The following SIDT1 variants were observed in gnomAD, a reference collection of about 807,000 sequenced individuals.
SIDT1 encodes the protein SID1 transmembrane family, member 1.
A neutral mutation model predicts 107.5 loss-of-function variants in SIDT1; 101 were observed. The ratio of observed to expected loss-of-function variants is 0.94; its 90% CI spans 0.80 to 1.11. The LOEUF (loss-of-function observed/expected upper bound fraction) is 1.11. SIDT1 is among the 50% of genes least tolerant of loss of function. SIDT1 has a pLI of 0.00. For synonymous variants in SIDT1, 395 were observed against 398.2 expected (o/e 0.99, Z 0.10); for missense variants, 1,076 against 1,058.2 (o/e 1.02, Z -0.23).
chr3:113,616,146 T>C lies in SIDT1; in HGVS notation c.2013T>C (p.Cys671=), dbSNP rs762022110. Residue 671 remains cysteine, a synonymous_variant, in exon 20 of 25, where the codon TGT becomes TGC. Transcript: ENST00000264852. ...CTGCCATGGTGTTCTACACAGACTG[T>C]ATCCAGCAGTGTAGCCGACCTCTAT... ...RRAAMVFYTD[C]IQQCSRPLYM... 6.2e-7 allele frequency: 1 copy of C among 1,613,904 alleles called. No individual in the cohort carries two copies. The highest frequency in any genetic ancestry group is 1.1e-5 in the South Asian group (1 of 91,086).
At chr3:113,540,619 T>A (rs1255951448) in intron 1 of SIDT1, among the ~76,000 whole-genome samples, 1 of 152,200 alleles carries the variant, frequency 6.6e-6, no homozygotes, top group African/African-American at 2.4e-5. Context: ...AGATATTGCA[T>A]CTTAATTTTG....
At chr3:113,533,472 T>C (rs1418638473) in intron 1 of SIDT1, among the ~76,000 whole-genome samples, 1 of 152,214 alleles carries the variant, frequency 6.6e-6, no homozygotes, top group South Asian at 2.1e-4. Flanking sequence ...AGGGCATTGC[T>C]GGGCTTTGCA....
chr3:113,554,072 A>G (rs975289085), intron 1 of SIDT1, among the ~76,000 whole-genome samples: 3 of 152,120 alleles, frequency 2.0e-5, no homozygotes, highest in Non-Finnish European at 4.4e-5. Flanking sequence ...AAGCAAACCA[A>G]TGCAAAAACT....
intron 17 of SIDT1, among the ~76,000 whole-genome samples, chr3:113,610,163 A>G (rs1945632642): frequency 1.3e-5 from 2 of 152,196 alleles, no homozygotes; most frequent in Non-Finnish European, 2.9e-5. Flanking sequence ...ACAGCATTTA[A>G]ATGTTGCCTG....
chr3:113,619,776 A>G (rs1946334878), intron 21 of SIDT1, 50 bp downstream of exon 21: 2 of 1,517,948 alleles, frequency 1.3e-6, no homozygotes, highest in Admixed American at 1.7e-5. Flanking sequence ...TGTCAGTAAC[A>G]CTGTGGTTTA....
At chr3:113,558,206 A>C (rs1941080907) in intron 1 of SIDT1, among the ~76,000 whole-genome samples, 1 of 152,236 alleles carries the variant, frequency 6.6e-6, no homozygotes, top group Non-Finnish European at 1.5e-5. Flanking sequence ...AACTGGGCAA[A>C]CACAAAGGCC....
intron 21 of SIDT1, among the ~76,000 whole-genome samples, chr3:113,620,894 A>G (rs976760421): frequency 7.2e-5 from 11 of 152,170 alleles, no homozygotes; most frequent in Non-Finnish European, 1.3e-4. Context: ...CGTCTCTCAC[A>G]TAAGCAAAAC....
downstream of SIDT1, among the ~76,000 whole-genome samples, chr3:113,630,760 G>A (rs993223081): frequency 5.3e-5 from 8 of 152,176 alleles, no homozygotes; most frequent in Admixed American, 1.3e-4. Context: ...ACGTGAGAAT[G>A]GCAAAGGTGG....
At chr3:113,611,343 G>C (rs939489918) in intron 18 of SIDT1, among the ~76,000 whole-genome samples, 199 bp downstream of exon 18, 1 of 152,116 alleles carries the variant, frequency 6.6e-6, no homozygotes, top group Non-Finnish European at 1.5e-5. Flanking sequence ...TAGTTATTTA[G>C]TTTTTTTGTT....
At chr3:113,574,553 T>C (rs1239756188) in intron 3 of SIDT1, among the ~76,000 whole-genome samples, 1 of 152,158 alleles carries the variant, frequency 6.6e-6, no homozygotes, top group African/African-American at 2.4e-5. Context: ...CCTGCCTCTC[T>C]TTCTATGTAG....
intron 1 of SIDT1, among the ~76,000 whole-genome samples, chr3:113,554,765 G>A (rs773519000): frequency 1.1e-4 from 16 of 152,188 alleles, no homozygotes; most frequent in South Asian, 2.1e-4. Flanking sequence ...AACCCCTTTC[G>A]CGACAGAAGA....
chr3:113,604,034 G>A lies in SIDT1; in HGVS notation c.1337+1G>A. On this transcript the variant is annotated splice_donor_variant, in intron 13 of 24. Transcript: ENST00000264852. LOFTEE classifies it high-confidence loss of function. ...GCAAAAAATATAAAATTTATTTTTG[G>A]TAAGTAGATGACCAGTAGGACCATG... 6.4e-7 allele frequency: 1 copy of A among 1,571,040 alleles called. No homozygotes were observed. Among genetic ancestry groups the A allele is most frequent in the Non-Finnish European group, 8.7e-7 (1 of 1,153,070 alleles).
intron 21 of SIDT1, among the ~76,000 whole-genome samples, chr3:113,621,807 G>A (rs1032246290): frequency 2.0e-5 from 3 of 152,190 alleles, no homozygotes; most frequent in Non-Finnish European, 2.9e-5. Context: ...AGGAGCAGAG[G>A]TGACTAGCCC....
At chr3:113,583,891 A>AT (rs1262720114) in intron 7 of SIDT1, among the ~76,000 whole-genome samples, 3 of 152,318 alleles carry the variant, frequency 2.0e-5, no homozygotes, top group Non-Finnish European at 4.4e-5. Context: ...ATCAGTAGTC[A>AT]TCATTTCCAC....
At chr3:113,610,428 G>A (rs914272978) in intron 17 of SIDT1, among the ~76,000 whole-genome samples, 3 of 152,170 alleles carry the variant, frequency 2.0e-5, no homozygotes, top group Non-Finnish European at 2.9e-5. Context: ...TTTTTATCAA[G>A]TTTTTGAGTA....
intron 1 of SIDT1, among the ~76,000 whole-genome samples, chr3:113,553,463 G>A (rs999932701): frequency 2.6e-5 from 4 of 152,148 alleles, no homozygotes; most frequent in Non-Finnish European, 1.5e-5. Context: ...AATAGCTCTA[G>A]AAGATACTTG....
chr3:113,593,460 TC>T (rs1462247131), intron 10 of SIDT1, among the ~76,000 whole-genome samples: 1 of 152,082 alleles, frequency 6.6e-6, no homozygotes, highest in Non-Finnish European at 1.5e-5. Flanking sequence ...CCATAACCCA[TC>T]CCCACCCCCG....
At chr3:113,550,258 CCCT>C (rs1408583536) in intron 1 of SIDT1, among the ~76,000 whole-genome samples, 1 of 152,206 alleles carries the variant, frequency 6.6e-6, no homozygotes, top group Admixed American at 6.5e-5. Flanking sequence ...TCAAGATTCT[CCCT>C]CTTTTCTGGG....
chr3:113,626,794 C>T (rs1225541743), intron 24 of SIDT1, among the ~76,000 whole-genome samples: 1 of 152,062 alleles, frequency 6.6e-6, no homozygotes, highest in Admixed American at 6.5e-5. Flanking sequence ...TCCTTTAATC[C>T]TAACTTTGAT....
Sources: allele counts gnomAD v4.1 joint callset (sites outside exome capture counted in the v4.1 genomes callset), GRCh38; gene constraint gnomAD v4.1.1; transcripts MANE v1.5; gene names NCBI Gene and HGNC (gene_info 2026-07-23, HGNC 2026-07-21).